SP100: variants seen among roughly 807,000 people sequenced by gnomAD.
SP100 encodes SP100 nuclear body protein.
A neutral mutation model predicts 130.0 loss-of-function variants in SP100; 84 were observed. That is an observed-to-expected ratio of 0.65 (90% CI 0.54 to 0.77). The LOEUF (loss-of-function observed/expected upper bound fraction) is 0.77, where lower values mean the gene tolerates loss of function less well. Ranked by LOEUF, SP100 falls within the 30% of genes least tolerant of loss-of-function variation. The pLI is 0.00. For synonymous variants in SP100, 331 were observed against 351.7 expected (o/e 0.94, Z 0.66); for missense variants, 978 against 1,052.2 (o/e 0.93, Z 0.97).
intron 15 of SP100, among the ~76,000 whole-genome samples, chr2:230,472,333 C>T (rs978411016): frequency 2.7e-5 from 4 of 146,204 alleles, no homozygotes; most frequent in African/African-American, 1.0e-4. Context: ...GAGGCTGAGG[C>T]AGGAGAATGG....
chr2:230,425,657 T>C (rs2062906217), intron 2 of SP100, among the ~76,000 whole-genome samples: 1 of 152,154 alleles, frequency 6.6e-6, no homozygotes, highest in Admixed American at 6.6e-5. Context: ...TTGGTTTGGT[T>C]TGGTAGTATT....
chr2:230,435,330 T>C (rs1045235283), intron 2 of SP100, among the ~76,000 whole-genome samples: 9 of 152,356 alleles, frequency 5.9e-5, no homozygotes, highest in African/African-American at 1.9e-4. Flanking sequence ...TATTTGTTGC[T>C]TTTTATTAAT....
chr2:230,472,237 G>C (rs1215435925), intron 15 of SP100, among the ~76,000 whole-genome samples: 1 of 151,806 alleles, frequency 6.6e-6, no homozygotes, highest in African/African-American at 2.4e-5. Context: ...GACCATCCTG[G>C]CTAAAACGGT....
intron 2 of SP100, among the ~76,000 whole-genome samples, chr2:230,422,285 G>A (rs1483763247): frequency 1.3e-5 from 2 of 151,926 alleles, no homozygotes; most frequent in African/African-American, 2.4e-5. Flanking sequence ...TTCCTTCCAG[G>A]TTTCTTTCCC....
At chr2:230,469,665 G>A (rs1190476758) in intron 14 of SP100, 2 of 866,710 alleles carry the variant, frequency 2.3e-6, no homozygotes, top group African/African-American at 3.5e-5. Context: ...AGAGCTTTGG[G>A]GTTATATACA....
intron 17 of SP100, among the ~76,000 whole-genome samples, chr2:230,491,940 T>C (rs574405443): frequency 6.6e-6 from 1 of 152,370 alleles, no homozygotes; most frequent in African/African-American, 2.4e-5. Context: ...ACTCATTTCC[T>C]ATTTTTTCAG....
rs757213379 is a variant in SP100, at chr2:230,503,084, G to A, written c.1739G>A (p.Arg580Lys). 1.2e-6 allele frequency: 2 copies of A among 1,604,354 alleles called. No individual in the cohort carries two copies. Among genetic ancestry groups the A allele is most frequent in the Non-Finnish European group, 1.7e-6 (2 of 1,173,616 alleles). ...TTCTCAGGAAGAAAAGCCAACACTAGACCTTTGAAAAGAAGAAGAAAAAGA... is the reference window on the plus strand; with the variant it reads ...TTCTCAGGAAGAAAAGCCAACACTAAACCTTTGAAAAGAAGAAGAAAAAGA... Reference protein sequence around the residue: ...WQQRGRKANTRPLKRRRKRGP... With the variant: ...WQQRGRKANTKPLKRRRKRGP... The change falls in exon 20 of 29, where the codon AGA becomes AAA. Residue 580 changes from arginine (R) to lysine (K), a missense_variant. Physicochemically the swap from Arg to Lys is conservative, Grantham distance 26. Transcript: ENST00000340126.
intron 22 of SP100, chr2:230,506,989 G>C (rs1690162040): frequency 6.6e-6 from 1 of 152,394 alleles, no homozygotes; most frequent in African/African-American, 2.4e-5. Context: ...AGCAGGCACA[G>C]GGTCTTTGCT....
At chr2:230,467,404 T>C (rs114607284) in intron 13 of SP100, among the ~76,000 whole-genome samples, 189 bp downstream of exon 13, 1,537 of 152,348 alleles carry the variant, frequency 0.01, 31 homozygotes, top group African/African-American at 0.035. Flanking sequence ...TGTGGTTGAG[T>C]GGCAGTGGCC....
chr2:230,483,583 A>G (rs2065930614), intron 17 of SP100, among the ~76,000 whole-genome samples: 1 of 152,174 alleles, frequency 6.6e-6, no homozygotes, highest in Admixed American at 6.6e-5. Flanking sequence ...TGGATTCTAC[A>G]TGGATAATAG....
intron 27 of SP100, 88 bp downstream of exon 27, chr2:230,541,460 G>A: frequency 8.8e-7 from 1 of 1,137,746 alleles, no homozygotes; most frequent in Non-Finnish European, 1.3e-6. Context: ...ATTCTATTTG[G>A]CTTGTTGATG....
intron 2 of SP100, among the ~76,000 whole-genome samples, chr2:230,421,596 T>A (rs895656846): frequency 3.3e-5 from 5 of 151,416 alleles, no homozygotes; most frequent in Admixed American, 2.0e-4. Flanking sequence ...GGAAAAAAAA[T>A]TTTATCCTTA....
At chr2:230,519,806 A>G (rs1575797427) in intron 24 of SP100, among the ~76,000 whole-genome samples, 1 of 152,116 alleles carries the variant, frequency 6.6e-6, no homozygotes, top group Non-Finnish European at 1.5e-5. Context: ...GTGTATGGTA[A>G]TACATCAGCT....
At chr2:230,531,488 A>G (rs1238741323) in intron 24 of SP100, among the ~76,000 whole-genome samples, 1 of 152,190 alleles carries the variant, frequency 6.6e-6, no homozygotes, top group African/African-American at 2.4e-5. Flanking sequence ...ATGTATACCT[A>G]TATAACAAAC....
intron 17 of SP100, among the ~76,000 whole-genome samples, chr2:230,492,028 A>G (rs1412228816): frequency 1.3e-5 from 2 of 152,098 alleles, no homozygotes; most frequent in African/African-American, 2.4e-5. Context: ...TTACCTTTAT[A>G]TGATTCCTTT....
In SP100 at chr2:230,417,679, A is replaced by T. The variant is rs750670871; in HGVS notation, c.107+14A>T. 6 of 1,607,890 alleles carry T rather than the reference A, an allele frequency of 3.7e-6. No individual in the cohort carries two copies. Among genetic ancestry groups the T allele is most frequent in the Non-Finnish European group, 5.1e-6 (6 of 1,178,000 alleles). On this transcript the variant is annotated intron_variant, in intron 2 of 28. Coordinates refer to ENST00000340126, the MANE Select transcript of SP100 (RefSeq NM_001080391.2). ...CGATTTGCAAAGGTGATGAATGAAGAGTTATGTCTTGTTTTAATTTGTATT... is the reference window on the plus strand; with the variant it reads ...CGATTTGCAAAGGTGATGAATGAAGTGTTATGTCTTGTTTTAATTTGTATT...
At chr2:230,467,261 T>A (rs371526947) in intron 13 of SP100, 46 bp downstream of exon 13, 26 of 1,297,074 alleles carry the variant, frequency 2.0e-5, no homozygotes, top group Non-Finnish European at 2.9e-5. Context: ...TCAGAGCACC[T>A]CTTCCCTGAT....
At chr2:230,503,133 T>G (rs747128350) in intron 20 of SP100, 23 bp downstream of exon 20, 1 of 1,504,728 alleles carries the variant, frequency 6.6e-7, no homozygotes, top group African/African-American at 1.4e-5. Context: ...GATCGATATG[T>G]TTTTCATAAT....
chr2:230,444,410 G>A, intron 4 of SP100, 64 bp downstream of exon 4: 1 of 1,293,550 alleles, frequency 7.7e-7, no homozygotes, highest in South Asian at 1.3e-5. Flanking sequence ...AGTATATACT[G>A]ATCTCCTACC....
Sources: allele counts gnomAD v4.1 joint callset (sites outside exome capture counted in the v4.1 genomes callset), GRCh38; gene constraint gnomAD v4.1.1; transcripts MANE v1.5; gene names NCBI Gene and HGNC (gene_info 2026-07-23, HGNC 2026-07-21).